The following CSMD1 variants were observed in gnomAD, a reference collection of about 807,000 sequenced individuals.
The protein encoded by CSMD1 is CUB and sushi domain-containing protein 1.
In CSMD1, 213 loss-of-function variants were observed where a neutral mutation model predicts 417.5. The observed-to-expected ratio is 0.51, with a 90% CI of 0.46 to 0.57. The LOEUF (loss-of-function observed/expected upper bound fraction) is 0.57, where lower values mean the gene tolerates loss of function less well. Ranked by LOEUF, CSMD1 falls within the 20% of genes least tolerant of loss-of-function variation. The pLI is 0.00. For missense variants in CSMD1, 6,923 were observed against 4,529.7 expected (o/e 1.53, Z -15.17); for synonymous variants, 2,862 against 1,736.8 (o/e 1.65, Z -16.11).
At chr8:3,715,406 C>T (rs1328970116) in intron 6 of CSMD1, among the ~76,000 whole-genome samples, 2 of 152,178 alleles carry the variant, frequency 1.3e-5, no homozygotes, top group African/African-American at 4.8e-5. Context: ...AGCTCATCAC[C>T]TTGAAAATGT....
At chr8:3,784,078 A>G (rs2129064264) in intron 5 of CSMD1, among the ~76,000 whole-genome samples, 1 of 152,352 alleles carries the variant, frequency 6.6e-6, no homozygotes, top group East Asian at 1.9e-4. Flanking sequence ...TTCATTTAAA[A>G]TGCTTCGGAA....
At chr8:3,996,617 C>T (rs1815243876) in intron 5 of CSMD1, among the ~76,000 whole-genome samples, 1 of 152,076 alleles carries the variant, frequency 6.6e-6, no homozygotes, top group South Asian at 2.1e-4. Flanking sequence ...TAAACAAATT[C>T]CTGAGTGTTT....
intron 2 of CSMD1, among the ~76,000 whole-genome samples, chr8:4,487,977 A>T (rs1315289951): frequency 6.6e-6 from 1 of 152,164 alleles, no homozygotes; most frequent in Non-Finnish European, 1.5e-5. Context: ...TATATGTGAA[A>T]ATCCTACCCA....
intron 11 of CSMD1, among the ~76,000 whole-genome samples, chr8:3,480,389 A>G (rs1012692832): frequency 6.6e-6 from 1 of 152,122 alleles, no homozygotes; most frequent in Non-Finnish European, 1.5e-5. Flanking sequence ...TAAAAGGAAA[A>G]ACGAATAAAG....
At chr8:4,780,314 G>A (rs988184794) in intron 1 of CSMD1, among the ~76,000 whole-genome samples, 6 of 152,138 alleles carry the variant, frequency 3.9e-5, no homozygotes, top group African/African-American at 1.4e-4. Flanking sequence ...ATATAATGGG[G>A]CTTTGGCTCT....
chr8:2,955,011 C>A (rs909045212), intron 64 of CSMD1, among the ~76,000 whole-genome samples: 1 of 152,204 alleles, frequency 6.6e-6, no homozygotes, highest in African/African-American at 2.4e-5. Flanking sequence ...GTGTAGCTAT[C>A]GTCAAATCTG....
At chr8:4,402,800 CTTTTTTTTT>C (rs60965667) in intron 3 of CSMD1, among the ~76,000 whole-genome samples, 1 of 89,370 alleles carries the variant, frequency 1.1e-5, no homozygotes, top group East Asian at 3.6e-4. Flanking sequence ...TCACTTTTTT[CTTTTTTTTT>C]TTTTTTTTTT....
rs144118013 is a variant in CSMD1 at position 3,316,097 on chromosome 8, C to T, written c.3632-7594G>A. ...CAGAGTGGGGGAACTTGGGGCAAGA[C>T]CAGGATCAGGCACCTACATGGATGA... On this transcript the variant is annotated intron_variant, in intron 23 of 69. Coordinates refer to ENST00000635120, the MANE Select transcript of CSMD1 (RefSeq NM_033225.6). 3.3e-5 allele frequency among the ~76,000 whole-genome samples: 5 copies of T among 152,224 alleles called. No homozygotes were observed. In the East Asian group the frequency reaches 5.8e-4, roughly 18 times the overall value.
At chr8:4,766,012 T>C (rs1034592037) in intron 1 of CSMD1, among the ~76,000 whole-genome samples, 1 of 152,182 alleles carries the variant, frequency 6.6e-6, no homozygotes, top group Non-Finnish European at 1.5e-5. Flanking sequence ...TTCATTCAAA[T>C]ATATATTTTT....
At chr8:4,611,185 G>T (rs1229332380) in intron 2 of CSMD1, among the ~76,000 whole-genome samples, 2 of 152,094 alleles carry the variant, frequency 1.3e-5, no homozygotes, top group Non-Finnish European at 2.9e-5. Flanking sequence ...AGATACATCT[G>T]GGCGAGTGTA....
intron 37 of CSMD1, among the ~76,000 whole-genome samples, chr8:3,180,697 G>A (rs1270482915): frequency 2.0e-5 from 3 of 152,106 alleles, no homozygotes; most frequent in Admixed American, 6.5e-5. Context: ...GTGCAGTGGT[G>A]CAATCTTGGC....
At chr8:3,851,846 G>A (rs879542112) in intron 5 of CSMD1, among the ~76,000 whole-genome samples, 1 of 152,156 alleles carries the variant, frequency 6.6e-6, no homozygotes, top group Non-Finnish European at 1.5e-5. Context: ...GGAGGGTCGG[G>A]TGGGAGCAGA....
chr8:3,659,023 T>C (rs951668185), intron 7 of CSMD1, among the ~76,000 whole-genome samples: 1 of 152,322 alleles, frequency 6.6e-6, no homozygotes. Context: ...CTCAGAGCAG[T>C]GTCATTTAAT....
At chr8:3,785,074 G>A (rs1277269815) in intron 5 of CSMD1, among the ~76,000 whole-genome samples, 1 of 152,168 alleles carries the variant, frequency 6.6e-6, no homozygotes, top group Non-Finnish European at 1.5e-5. Context: ...CAATAGCATA[G>A]TGGACTTTGG....
At chr8:3,642,877 T>C (rs1368878969) in intron 7 of CSMD1, among the ~76,000 whole-genome samples, 2 of 151,830 alleles carry the variant, frequency 1.3e-5, no homozygotes, top group African/African-American at 4.8e-5. Context: ...TACATATATA[T>C]AGATTATACA....
intron 2 of CSMD1, among the ~76,000 whole-genome samples, chr8:4,504,835 G>C (rs190904587): frequency 2.0e-5 from 3 of 152,260 alleles, no homozygotes; most frequent in African/African-American, 7.2e-5. Context: ...TGGCTGCATA[G>C]TATTCCATGA....
intron 3 of CSMD1, among the ~76,000 whole-genome samples, chr8:4,153,083 T>C (rs74703510): frequency 0.011 from 1,624 of 152,320 alleles, 14 homozygotes; most frequent in Non-Finnish European, 0.018. Flanking sequence ...ATGATTCTTT[T>C]TCAGATGTGT....
At chr8:3,641,877 G>A (rs956849650) in intron 7 of CSMD1, among the ~76,000 whole-genome samples, 13 of 152,108 alleles carry the variant, frequency 8.5e-5, no homozygotes, top group African/African-American at 3.1e-4. Context: ...CTTCATATAA[G>A]GTTTCGCTAC....
chr8:3,123,814 G>A (rs565212968), intron 41 of CSMD1, among the ~76,000 whole-genome samples: 8 of 152,250 alleles, frequency 5.3e-5, no homozygotes, highest in South Asian at 2.1e-4. Context: ...TTAAAACAGC[G>A]TTTAACAGAG....
Sources: allele counts gnomAD v4.1 joint callset (sites outside exome capture counted in the v4.1 genomes callset), GRCh38; gene constraint gnomAD v4.1.1; transcripts MANE v1.5; gene names NCBI Gene and HGNC (gene_info 2026-07-23, HGNC 2026-07-21).